DTNBP1: variants seen among roughly 807,000 people sequenced by gnomAD.
DTNBP1 encodes dysbindin.
In DTNBP1, 35 loss-of-function variants were observed where a neutral mutation model predicts 42.8. The observed-to-expected ratio is 0.82, with a 90% CI of 0.63 to 1.09. The LOEUF is 1.09. Among genes scored for constraint, DTNBP1 ranks in the 50% least tolerant of loss-of-function variants. The pLI is 0.00. For missense variants in DTNBP1, 457 were observed against 424.2 expected (o/e 1.08, Z -0.68); for synonymous variants, 171 against 162.2 (o/e 1.05, Z -0.41).
chr6:15,635,688 T>C (rs1363641658), intron 4 of DTNBP1, among the ~76,000 whole-genome samples: 1 of 152,188 alleles, frequency 6.6e-6, no homozygotes, highest in Non-Finnish European at 1.5e-5. Context: ...CTTTTATAAG[T>C]ATTCTCTGCC....
At chr6:15,608,611 G>A (rs1037566899) in intron 6 of DTNBP1, among the ~76,000 whole-genome samples, 2 of 152,178 alleles carry the variant, frequency 1.3e-5, no homozygotes, top group Non-Finnish European at 2.9e-5. Flanking sequence ...CTCCTCCTGG[G>A]TTACTCCCTT....
At chr6:15,528,476 A>G (rs1023101058) in intron 8 of DTNBP1, among the ~76,000 whole-genome samples, 3 of 152,180 alleles carry the variant, frequency 2.0e-5, no homozygotes, top group Non-Finnish European at 4.4e-5. Context: ...CCAACACTTG[A>G]TGACTAAGTA....
At chr6:15,598,279 T>G (rs1394451462) in intron 6 of DTNBP1, among the ~76,000 whole-genome samples, 3 of 152,162 alleles carry the variant, frequency 2.0e-5, no homozygotes, top group African/African-American at 7.2e-5. Context: ...GATGAAAACT[T>G]AATAGACAGA....
At chr6:15,577,455 G>C (rs1426642932) in intron 7 of DTNBP1, among the ~76,000 whole-genome samples, 1 of 152,246 alleles carries the variant, frequency 6.6e-6, no homozygotes, top group African/African-American at 2.4e-5. Flanking sequence ...AACGGTGAGA[G>C]GCAGTTTGTG....
intron 3 of DTNBP1, among the ~76,000 whole-genome samples, chr6:15,641,419 G>T (rs1037081371): frequency 2.0e-5 from 3 of 152,120 alleles, no homozygotes; most frequent in African/African-American, 7.2e-5. Flanking sequence ...GGCAGAGATT[G>T]ACCCTCAAGG....
intron 7 of DTNBP1, among the ~76,000 whole-genome samples, chr6:15,542,836 A>T (rs1057433748): frequency 6.6e-6 from 1 of 151,822 alleles, no homozygotes; most frequent in African/African-American, 2.4e-5. Flanking sequence ...AGTAGCTAAG[A>T]CTACAGATGT....
At chr6:15,547,094 A>G (rs1773924205) in intron 7 of DTNBP1, among the ~76,000 whole-genome samples, 1 of 152,202 alleles carries the variant, frequency 6.6e-6, no homozygotes, top group African/African-American at 2.4e-5. Flanking sequence ...AGGGGAAAAA[A>G]TGGAAGAAGT....
intron 6 of DTNBP1, among the ~76,000 whole-genome samples, chr6:15,600,644 G>A (rs887072119): frequency 2.6e-5 from 4 of 152,260 alleles, no homozygotes; most frequent in Non-Finnish European, 5.9e-5. Context: ...CTAGAACTCC[G>A]GAAAGGATCA....
At chr6:15,549,491 TAAAAAAAA>T (rs1171397685) in intron 7 of DTNBP1, among the ~76,000 whole-genome samples, 1 of 77,954 alleles carries the variant, frequency 1.3e-5, no homozygotes, top group Non-Finnish European at 2.6e-5. Context: ...TCTCAGGGAT[TAAAAAAAA>T]AAAAAAAAAA....
chr6:15,612,852 C>A (rs1415830172), intron 6 of DTNBP1, among the ~76,000 whole-genome samples: 2 of 152,204 alleles, frequency 1.3e-5, no homozygotes, highest in Non-Finnish European at 2.9e-5. Context: ...TGCCTAACTT[C>A]TTCACAACAG....
chr6:15,579,782 T>C (rs1775742955), intron 7 of DTNBP1: 1 of 449,024 alleles, frequency 2.2e-6, no homozygotes. Context: ...TACTCCAGCC[T>C]GGCCGACAGA....
At chr6:15,622,724 T>C (rs1035639695) in intron 5 of DTNBP1, among the ~76,000 whole-genome samples, 1 of 152,224 alleles carries the variant, frequency 6.6e-6, no homozygotes, top group Non-Finnish European at 1.5e-5. Context: ...AAAAGCCATT[T>C]GGGAATGCCT....
intron 7 of DTNBP1, among the ~76,000 whole-genome samples, chr6:15,540,581 A>T (rs191906170): frequency 1.3e-5 from 2 of 152,342 alleles, no homozygotes; most frequent in Admixed American, 6.5e-5. Flanking sequence ...CTACATCAGA[A>T]TGAAATCCAA....
chr6:15,660,757 G>A (rs1054616130), intron 1 of DTNBP1, among the ~76,000 whole-genome samples: 4 of 152,132 alleles, frequency 2.6e-5, no homozygotes, highest in African/African-American at 4.8e-5. Flanking sequence ...ACATTCCGGG[G>A]TAAAATGCCT....
intron 9 of DTNBP1, chr6:15,524,026 G>C (rs1019576147): frequency 3.9e-6 from 5 of 1,290,988 alleles, no homozygotes; most frequent in Non-Finnish European, 5.0e-6. Context: ...GCATGAATGT[G>C]AAACAAAATT....
intron 7 of DTNBP1, among the ~76,000 whole-genome samples, chr6:15,546,748 C>T (rs987813244): frequency 3.9e-4 from 59 of 152,020 alleles, no homozygotes; most frequent in African/African-American, 1.1e-3. Flanking sequence ...ACAGGTAGCA[C>T]CAAGAAGGCT....
At chr6:15,591,533 T>C (rs1776298401) in intron 7 of DTNBP1, among the ~76,000 whole-genome samples, 1 of 152,244 alleles carries the variant, frequency 6.6e-6, no homozygotes, top group African/African-American at 2.4e-5. Context: ...GATCTTTAAT[T>C]GGACTGTGGG....
intron 7 of DTNBP1, among the ~76,000 whole-genome samples, chr6:15,560,223 G>T (rs1408697020): frequency 6.6e-6 from 1 of 151,954 alleles, no homozygotes; most frequent in Non-Finnish European, 1.5e-5. Context: ...GGAGAATGGC[G>T]TGAACCCAGG....
At chr6:15,647,159 A>G (rs887889392) in intron 3 of DTNBP1, among the ~76,000 whole-genome samples, 6 of 151,924 alleles carry the variant, frequency 3.9e-5, no homozygotes, top group Admixed American at 3.9e-4. Flanking sequence ...TGAACAAGAA[A>G]AAACAACCCC....
Sources: gnomAD v4.1 joint callset for allele counts (sites outside exome capture counted in the v4.1 genomes callset) on GRCh38, gnomAD v4.1.1 for gene constraint, MANE v1.5 for transcripts, NCBI Gene and HGNC (gene_info 2026-07-23, HGNC 2026-07-21) for gene names.